MGST1: variants seen among roughly 807,000 people sequenced by gnomAD.
MGST1 encodes microsomal glutathione S-transferase 1.
In MGST1, 5 loss-of-function variants were observed where a neutral mutation model predicts 8.9. That is an observed-to-expected ratio of 0.56 (90% CI 0.29 to 1.19). The LOEUF is 1.19. Ranked by LOEUF, MGST1 falls within the 50% of genes most tolerant of loss-of-function variation. The pLI, the probability that MGST1 is intolerant of heterozygous loss-of-function variation, is 0.08. For missense variants in MGST1, 182 were observed against 187.4 expected, an observed-to-expected ratio of 0.97 and a Z score of 0.17; for synonymous variants, 54 against 67.8, an observed-to-expected ratio of 0.80 and a Z score of 1.00.
At chr12:16,589,870 G>A (rs1050064248), downstream of MGST1, among the ~76,000 whole-genome samples, 4 of 152,080 alleles carry the variant, frequency 2.6e-5, no homozygotes, top group Non-Finnish European at 5.9e-5. This position sits in a 1 kb window ranked among gnomAD's most constrained non-coding sequence, Gnocchi z 4.2. Flanking sequence ...GCAGACCACA[G>A]TAGGAATTAA....
intron 4 of MGST1, chr12:16,567,335 G>A (rs1015037156): frequency 6.5e-6 from 1 of 153,568 alleles, no homozygotes; most frequent in East Asian, 1.9e-4. Flanking sequence ...CTACGTGCAA[G>A]GTACTTTGTG....
intron 4 of MGST1, among the ~76,000 whole-genome samples, chr12:16,485,826 G>C (rs1424301337): frequency 6.6e-6 from 1 of 152,048 alleles, no homozygotes; most frequent in African/African-American, 2.4e-5. Flanking sequence ...AAAAATTTTT[G>C]TACTAAGCAT....
downstream of MGST1, among the ~76,000 whole-genome samples, chr12:16,442,562 G>A (rs11056942): frequency 9.5e-3 from 1,447 of 151,772 alleles, 84 homozygotes; most frequent in East Asian, 0.17. The surrounding 1 kb of genome is among the most constrained non-coding windows in gnomAD (Gnocchi z 4.5). Flanking sequence ...ACTTTGTGTC[G>A]AAAAGACTTT....
intron 4 of MGST1, among the ~76,000 whole-genome samples, chr12:16,493,225 CT>C (rs1261063815): frequency 6.6e-6 from 1 of 152,174 alleles, no homozygotes; most frequent in African/African-American, 2.4e-5. Context: ...GAAGCTTCTA[CT>C]TTTATGCCAG....
intron 1 of MGST1, among the ~76,000 whole-genome samples, chr12:16,430,298 A>G (rs1940926688): frequency 6.6e-6 from 1 of 152,152 alleles, no homozygotes; most frequent in African/African-American, 2.4e-5. Flanking sequence ...CCAAATTTTT[A>G]TTAATGTTGA....
chr12:16,376,271 T>A (rs1332436840), exon 4 of MGST1: 1 of 539,342 alleles, frequency 1.9e-6, no homozygotes, highest in African/African-American at 1.9e-5. Context: ...ATCTAATGAG[T>A]TAATGGATTC....
At chr12:16,391,304 T>A (rs912882844) in intron 1 of MGST1, among the ~76,000 whole-genome samples, 3 of 151,844 alleles carry the variant, frequency 2.0e-5, no homozygotes, top group African/African-American at 7.3e-5. Flanking sequence ...ATGCTCTCCC[T>A]CCCCTTTCCC....
intron 4 of MGST1, among the ~76,000 whole-genome samples, chr12:16,466,564 T>C (rs897429810): frequency 6.6e-6 from 1 of 152,220 alleles, no homozygotes; most frequent in Non-Finnish European, 1.5e-5. Context: ...AGACTGATTT[T>C]TTGGGGTCAT....
At chr12:16,373,629 T>G (rs1001333203) in intron 3 of MGST1, among the ~76,000 whole-genome samples, 1 of 152,058 alleles carries the variant, frequency 6.6e-6, no homozygotes, top group Non-Finnish European at 1.5e-5. Context: ...CAACTCCTGA[T>G]CTATACAATT....
chr12:16,432,496 T>G (rs1940946582), intron 1 of MGST1, among the ~76,000 whole-genome samples: 1 of 151,998 alleles, frequency 6.6e-6, no homozygotes, highest in Non-Finnish European at 1.5e-5. Context: ...GGTGGTTGAA[T>G]TTTTTTCCTC....
chr12:16,442,895 AT>A (rs1174350450), downstream of MGST1, among the ~76,000 whole-genome samples: 1 of 151,770 alleles, frequency 6.6e-6, no homozygotes, highest in Non-Finnish European at 1.5e-5. This position sits in a 1 kb window ranked among gnomAD's most constrained non-coding sequence, Gnocchi z 4.5. Flanking sequence ...GATGTGTCAT[AT>A]TGTTCTAATC....
At chr12:16,501,183 C>G (rs1162716999) in intron 4 of MGST1, among the ~76,000 whole-genome samples, 1 of 151,522 alleles carries the variant, frequency 6.6e-6, no homozygotes, top group Non-Finnish European at 1.5e-5. Flanking sequence ...TTCTTTTAAC[C>G]TGAACTTCCT....
chr12:16,491,355 G>T (rs538134126), intron 4 of MGST1, among the ~76,000 whole-genome samples: 3 of 152,246 alleles, frequency 2.0e-5, no homozygotes, highest in Middle Eastern at 6.8e-3. Context: ...ATGATTAATT[G>T]TTCTATGTTA....
intron 1 of MGST1, among the ~76,000 whole-genome samples, chr12:16,402,911 T>C (rs1191837843): frequency 6.7e-6 from 1 of 148,826 alleles, no homozygotes; most frequent in African/African-American, 2.4e-5. Context: ...TTTTAATATA[T>C]ATTTAAAAAT....
At chr12:16,402,523 A>G in intron 1 of MGST1, 1 of 990,004 alleles carries the variant, frequency 1.0e-6, no homozygotes, top group Non-Finnish European at 1.5e-6. Context: ...TCTTGGTTAG[A>G]TTTATAATAA....
intron 1 of MGST1, among the ~76,000 whole-genome samples, chr12:16,353,134 T>C (rs1480804958): frequency 1.3e-5 from 2 of 151,870 alleles, no homozygotes. Flanking sequence ...CCTGGGTTCA[T>C]GCTATTCTCC....
chr12:16,569,729 A>G (rs1942745866), intron 4 of MGST1, among the ~76,000 whole-genome samples: 1 of 152,162 alleles, frequency 6.6e-6, no homozygotes, highest in Non-Finnish European at 1.5e-5. Context: ...CAAGCTTGCT[A>G]TTTATTGTTT....
intron 1 of MGST1, among the ~76,000 whole-genome samples, chr12:16,349,352 T>C (rs1939350191): frequency 1.3e-5 from 2 of 151,744 alleles, no homozygotes; most frequent in South Asian, 4.2e-4. Context: ...GATTCTTCTC[T>C]GCTAGATAGT....
At chr12:16,501,329 A>G (rs1032114357) in intron 4 of MGST1, among the ~76,000 whole-genome samples, 2 of 152,346 alleles carry the variant, frequency 1.3e-5, no homozygotes, top group South Asian at 4.1e-4. Context: ...TCAAAAAGGT[A>G]TAAGCTAGAA....
Sources: allele counts gnomAD v4.1 joint callset (sites outside exome capture counted in the v4.1 genomes callset), GRCh38; gene constraint gnomAD v4.1.1; non-coding constraint Gnocchi (gnomAD v3.1); transcripts MANE v1.5; gene names NCBI Gene and HGNC (gene_info 2026-07-23, HGNC 2026-07-21).